KCNN3: variants seen among roughly 807,000 people sequenced by gnomAD.
The protein encoded by KCNN3 is potassium calcium-activated channel subfamily N member 3, also known as small conductance calcium-activated potassium channel protein 3.
In KCNN3, 16 loss-of-function variants were observed where a neutral mutation model predicts 62.9. The observed-to-expected ratio is 0.25, with a 90% CI of 0.17 to 0.39. KCNN3 has a LOEUF of 0.39. Among genes scored for constraint, KCNN3 ranks in the 10% least tolerant of loss-of-function variants. The pLI, the probability that KCNN3 is intolerant of heterozygous loss-of-function variation, is 1.00. For missense variants in KCNN3, 599 were observed against 949.4 expected (o/e 0.63, Z 4.85); for synonymous variants, 370 against 389.2 (o/e 0.95, Z 0.58).
chr1:154,820,351 G>A (rs1650839249), intron 2 of KCNN3, among the ~76,000 whole-genome samples: 1 of 152,226 alleles, frequency 6.6e-6, no homozygotes, highest in South Asian at 2.1e-4. Flanking sequence ...CACCACCAAA[G>A]TGTGGGGTTG....
Position 154,772,913 on chromosome 1 carries a change from C to T in KCNN3, c.1030-520G>A, listed in dbSNP as rs530268806. Among the ~76,000 whole-genome samples, 22 of 152,008 alleles carry T rather than the reference C, an allele frequency of 1.4e-4. No individual in the cohort carries two copies. The South Asian group carries it at 3.3e-3, about 23-fold the overall frequency. ...CACCTCCTGAGAAGGAAGAGGGGCC[C>T]GAAGGTTGAGTTGATCACCAATGGC... On this transcript the variant is annotated intron_variant, in intron 2 of 7. Coordinates refer to ENST00000271915, the MANE Select transcript of KCNN3 (RefSeq NM_002249.6). The surrounding 1 kb of genome is among the most constrained non-coding windows in gnomAD (Gnocchi z 5.6).
chr1:154,772,064 C>G lies in KCNN3; in HGVS notation c.1359G>C (p.Thr453=). Residue 453 remains threonine, a synonymous_variant, in exon 3 of 8, where the codon ACG becomes ACC. Coordinates refer to ENST00000271915, the MANE Select transcript of KCNN3 (RefSeq NM_002249.6). This position sits in a 1 kb window ranked among gnomAD's most constrained non-coding sequence, Gnocchi z 5.6. The part of the protein sequence containing the change: ...INFNTRFVMK[T]LMTICPGTVL... The stretch of plus-strand genomic sequence containing the variant: ...CAGTGCCAGGGCAGATGGTCATGAG[C>G]GTCTTCATGACAAAGCGGGTGTTGA... 1 of 1,614,082 alleles carries G rather than the reference C, an allele frequency of 6.2e-7. No homozygotes were observed. Among genetic ancestry groups the G allele is most frequent in the Non-Finnish European group, 8.5e-7 (1 of 1,179,958 alleles).
intron 3 of KCNN3, among the ~76,000 whole-genome samples, chr1:154,738,459 C>T (rs746067949): frequency 3.3e-5 from 5 of 152,202 alleles, no homozygotes; most frequent in Non-Finnish European, 5.9e-5. Context: ...AAGGTTGTCA[C>T]GGGTTTGCCT....
rs1444899413 is a variant in KCNN3, at chr1:154,699,302, A to C, written c.*8674T>G. ...TAAAGGTCTCACTAAACAAATAAACATAGGACCAGACAAAAGAAATGGAGC... is the reference window on the plus strand; with the variant it reads ...TAAAGGTCTCACTAAACAAATAAACCTAGGACCAGACAAAAGAAATGGAGC... On this transcript the variant is annotated 3_prime_UTR_variant, in exon 8 of 8. Coordinates refer to ENST00000271915, the MANE Select transcript of KCNN3 (RefSeq NM_002249.6). 1.3e-5 allele frequency: 2 copies of C among 152,110 alleles called. No homozygotes were observed. Among genetic ancestry groups the C allele is most frequent in the East Asian group, 3.8e-4 (2 of 5,198 alleles). 9.4% of individuals were successfully genotyped at this position (152,110 alleles called of 1,614,324 possible). A position where few individuals can be genotyped will look rare whatever the true frequency, so the allele number is the denominator to read the frequency against.
intron 6 of KCNN3, among the ~76,000 whole-genome samples, chr1:154,714,332 G>T (rs1373901687): frequency 2.2e-4 from 13 of 60,070 alleles, no homozygotes; most frequent in South Asian, 5.7e-4. Context: ...GTGTGTGTGT[G>T]GTGTTTGTGT....
intron 2 of KCNN3, among the ~76,000 whole-genome samples, chr1:154,814,991 T>C (rs1035257366): frequency 5.9e-5 from 9 of 152,232 alleles, no homozygotes; most frequent in South Asian, 2.1e-4. Flanking sequence ...AGGAGAGGGA[T>C]GTAAACCTGG....
At chr1:154,713,296 G>A (rs1700116358) in intron 7 of KCNN3, among the ~76,000 whole-genome samples, 168 bp downstream of exon 7, 1 of 152,202 alleles carries the variant, frequency 6.6e-6, no homozygotes, top group Non-Finnish European at 1.5e-5. Flanking sequence ...CCGGTAGATT[G>A]CAAATGAAAC....
At chr1:154,815,859 T>G (rs972715948) in intron 2 of KCNN3, among the ~76,000 whole-genome samples, 1 of 152,126 alleles carries the variant, frequency 6.6e-6, no homozygotes, top group Non-Finnish European at 1.5e-5. Flanking sequence ...GTCTGTTCTT[T>G]CAGGGGAAGA....
At chr1:154,784,048 G>A (rs1649174075) in intron 2 of KCNN3, among the ~76,000 whole-genome samples, 1 of 152,156 alleles carries the variant, frequency 6.6e-6, no homozygotes, top group Admixed American at 6.5e-5. Context: ...AGAAATGGAA[G>A]TTTCCAAGCC....
At chr1:154,754,847 C>A (rs1282320882) in intron 3 of KCNN3, among the ~76,000 whole-genome samples, 3 of 152,174 alleles carry the variant, frequency 2.0e-5, no homozygotes, top group Non-Finnish European at 2.9e-5. Flanking sequence ...AAAACGAATA[C>A]TAACGGGTAA....
chr1:154,822,223 G>C (rs903704716), intron 1 of KCNN3, 39 bp from the exon 2 acceptor site: 1 of 1,421,342 alleles, frequency 7.0e-7, no homozygotes, highest in African/African-American at 1.4e-5. Flanking sequence ...GGGAGTGCGG[G>C]GAAAGGAGCG....
chr1:154,786,311 C>T (rs1649281915), intron 2 of KCNN3, among the ~76,000 whole-genome samples: 1 of 152,142 alleles, frequency 6.6e-6, no homozygotes, highest in Non-Finnish European at 1.5e-5. Context: ...TCTTTTGTAA[C>T]ATATGCACAA....
At chr1:154,841,839 T>C (rs1651843632) in intron 1 of KCNN3, among the ~76,000 whole-genome samples, 3 of 152,132 alleles carry the variant, frequency 2.0e-5, no homozygotes, top group Admixed American at 6.5e-5. Flanking sequence ...AGATGGCCTA[T>C]TGGGAGGTCA....
At chr1:154,737,210 G>GC (rs925911774) in intron 3 of KCNN3, 38 of 301,746 alleles carry the variant, frequency 1.3e-4, no homozygotes, top group African/African-American at 7.8e-4. Flanking sequence ...AAAATTTGGG[G>GC]GGGGGGGATA....
At chr1:154,852,759 C>A (rs1652355820) in intron 1 of KCNN3, among the ~76,000 whole-genome samples, 1 of 152,114 alleles carries the variant, frequency 6.6e-6, no homozygotes, top group Non-Finnish European at 1.5e-5. Context: ...CTACTTTTCT[C>A]TTTTCACTAT....
rs1288613037 is a variant in KCNN3 at position 154,862,541 on chromosome 1, G to A, written c.933+6491C>T. 2.0e-5 allele frequency among the ~76,000 whole-genome samples: 3 copies of A among 152,074 alleles called. No homozygotes were observed. The highest frequency in any genetic ancestry group is 4.4e-5 in the Non-Finnish European group (3 of 68,000). ...GTGGGGGTGCTAGGGGCTGTGGAAG[G>A]AGCTTTTGCAGGAAGGGCTTTCATT... On this transcript the variant is annotated intron_variant, in intron 1 of 7. Coordinates refer to ENST00000271915, the MANE Select transcript of KCNN3 (RefSeq NM_002249.6). This position sits in a 1 kb window ranked among gnomAD's most constrained non-coding sequence, Gnocchi z 4.1.
chr1:154,801,343 C>A (rs572635968), intron 2 of KCNN3, among the ~76,000 whole-genome samples: 1 of 152,036 alleles, frequency 6.6e-6, no homozygotes, highest in African/African-American at 2.4e-5. Context: ...TCTTTTCTAT[C>A]CACAATCATT....
In KCNN3 at chr1:154,869,044, A is replaced by T. The variant is rs751611611; in HGVS notation, c.921T>A (p.Gly307=). The T allele has an allele frequency of 6.2e-7, 1 of 1,613,874 alleles. No homozygotes were observed. Among genetic ancestry groups the T allele is most frequent in the Admixed American group, 1.7e-5 (1 of 59,988 alleles). Residue 307 remains glycine, a synonymous_variant, in exon 1 of 8, where the codon GGT becomes GGA. Transcript: ENST00000271915. The surrounding 1 kb of genome is among the most constrained non-coding windows in gnomAD (Gnocchi z 6.1). ...VMVIETELSW[G]LYSKDSMFSL... ...CCACAGCCCCTACCTTTGAGTACAA[A>T]CCCCAAGAGAGCTCGGTCTCTATCA...
intron 3 of KCNN3, among the ~76,000 whole-genome samples, chr1:154,755,534 A>G (rs796394786): frequency 0.01 from 885 of 84,810 alleles, 11 homozygotes; most frequent in African/African-American, 0.029. Context: ...AAAGAAGAAG[A>G]AAGGAAAGGA....
Sources: gnomAD v4.1 joint callset for allele counts (sites outside exome capture counted in the v4.1 genomes callset) on GRCh38, gnomAD v4.1.1 for gene constraint, Gnocchi (gnomAD v3.1) non-coding constraint, MANE v1.5 for transcripts, NCBI Gene and HGNC (gene_info 2026-07-23, HGNC 2026-07-21) for gene names.